The following DIAPH1 variants were observed in gnomAD, a reference collection of about 807,000 sequenced individuals.
DIAPH1 encodes the protein protein diaphanous homolog 1.
Under a neutral mutation model 140.7 loss-of-function variants are expected in DIAPH1, and 46 were observed. The ratio of observed to expected loss-of-function variants is 0.33; its 90% confidence interval spans 0.26 to 0.42. DIAPH1 has a LOEUF of 0.42. DIAPH1 is among the 10% of genes least tolerant of loss of function. DIAPH1 has a pLI of 1.00. For synonymous variants in DIAPH1, 565 were observed against 551.6 expected (o/e 1.02, Z -0.34); for missense variants, 1,310 against 1,558.7 (o/e 0.84, Z 2.69).
intron 18 of DIAPH1, among the ~76,000 whole-genome samples, chr5:141,540,439 G>A (rs1023774271): frequency 5.9e-5 from 9 of 151,874 alleles, no homozygotes; most frequent in African/African-American, 2.2e-4. Context: ...CCTGCCACAC[G>A]CCCAGCTAAT....
In DIAPH1 at chr5:141,531,160, C is replaced by T. The variant is rs556542005; in HGVS notation, c.2582-1463G>A. ...GACACCAACCTGCTACCTCTCACAT[C>T]CACCTCCCCGAAAAGACAATCTGTT... On this transcript the variant is annotated intron_variant, in intron 19 of 27. Transcript: ENST00000389054. Among the ~76,000 whole-genome samples, 3 of 152,328 alleles carry T rather than the reference C, an allele frequency of 2.0e-5. No homozygotes were observed. In the East Asian group the frequency reaches 5.8e-4, roughly 29 times the overall value.
chr5:141,611,736 A>C (rs2099901874), intron 1 of DIAPH1, among the ~76,000 whole-genome samples: 1 of 152,236 alleles, frequency 6.6e-6, no homozygotes, highest in South Asian at 2.1e-4. Context: ...AGTAAGGACA[A>C]GAAAAGATGT....
At chr5:141,593,946 C>T (rs1351850567) in intron 1 of DIAPH1, among the ~76,000 whole-genome samples, 3 of 152,314 alleles carry the variant, frequency 2.0e-5, no homozygotes, top group East Asian at 3.9e-4. Context: ...ATTACAGGCG[C>T]ATGCCACCAC....
chr5:141,559,756 A>C (rs1463806979), intron 18 of DIAPH1, among the ~76,000 whole-genome samples: 2 of 152,196 alleles, frequency 1.3e-5, no homozygotes, highest in East Asian at 3.8e-4. Flanking sequence ...ATCCCAAACA[A>C]GGACTCAGGT....
intron 18 of DIAPH1, among the ~76,000 whole-genome samples, chr5:141,551,254 A>G (rs956406499): frequency 2.6e-5 from 4 of 152,222 alleles, no homozygotes; most frequent in Non-Finnish European, 5.9e-5. Context: ...GTTCAAGAAG[A>G]GCCTGGGCAA....
intron 3 of DIAPH1, 53 bp from the exon 4 acceptor site, chr5:141,584,278 A>G: frequency 9.7e-7 from 1 of 1,030,870 alleles, no homozygotes. Flanking sequence ...ATTCTTTACA[A>G]ATTTTTAGTG....
chr5:141,556,552 A>G (rs1596363022), intron 18 of DIAPH1, among the ~76,000 whole-genome samples: 1 of 152,188 alleles, frequency 6.6e-6, no homozygotes, highest in African/African-American at 2.4e-5. Flanking sequence ...CTCCCTCTGA[A>G]GGTGGCAGGG....
At chr5:141,526,559 G>C (rs2099887352) in intron 24 of DIAPH1, 98 bp from the exon 25 acceptor site, 2 of 1,450,332 alleles carry the variant, frequency 1.4e-6, no homozygotes, top group South Asian at 2.3e-5. Context: ...GCATGCAAAG[G>C]GATGTTCAAT....
chr5:141,587,868 C>G (rs998167021), intron 2 of DIAPH1, among the ~76,000 whole-genome samples: 1 of 152,200 alleles, frequency 6.6e-6, no homozygotes, highest in African/African-American at 2.4e-5. Flanking sequence ...ATCTCAAATA[C>G]TGATGCTCAA....
chr5:141,582,059 CAAAAAAA>C (rs70991705), intron 7 of DIAPH1: 798 of 79,516 alleles, frequency 0.01, 1 homozygote, highest in African/African-American at 0.028. Context: ...GACTCCATCT[CAAAAAAA>C]AAAAAAAAAA....
chr5:141,605,990 A>G (rs1213309998), intron 1 of DIAPH1, among the ~76,000 whole-genome samples: 1 of 152,176 alleles, frequency 6.6e-6, no homozygotes, highest in East Asian at 1.9e-4. Context: ...ATCACTAGAG[A>G]CCTCTAAGCC....
At chr5:141,594,691 C>T (rs909937388) in intron 1 of DIAPH1, among the ~76,000 whole-genome samples, 1 of 150,774 alleles carries the variant, frequency 6.6e-6, no homozygotes, top group Non-Finnish European at 1.5e-5. Flanking sequence ...TGCAGTGAGC[C>T]AAGATCGAGC....
chr5:141,518,709 G>A (rs2099886076), intron 27 of DIAPH1: 1 of 557,296 alleles, frequency 1.8e-6, no homozygotes, highest in Non-Finnish European at 3.2e-6. Flanking sequence ...TTTTTGCAGA[G>A]ATGGGGTCTC....
At chr5:141,606,551 C>T (rs1263132392) in intron 1 of DIAPH1, among the ~76,000 whole-genome samples, 1 of 152,054 alleles carries the variant, frequency 6.6e-6, no homozygotes, top group African/African-American at 2.4e-5. Flanking sequence ...GGCACCACCA[C>T]GCCTGGATAA....
At chr5:141,578,753 C>G in intron 9 of DIAPH1, 128 bp from the exon 10 acceptor site, 1 of 759,436 alleles carries the variant, frequency 1.3e-6, no homozygotes, top group Middle Eastern at 3.6e-4. Flanking sequence ...CTAAAGATGA[C>G]TTTTCTACTA....
At position 141,573,928 on chromosome 5, in the gene DIAPH1, G is replaced by A; in HGVS notation, c.1922C>T (p.Pro641Leu). The change falls in exon 16 of 28, where the codon CCA becomes CTA. Residue 641 changes from proline (P) to leucine (L), a missense_variant. Physicochemically the swap from Pro to Leu is moderately conservative, Grantham distance 98. This residue lies in a region of DIAPH1 where 589 missense variants were observed against 549.3 expected (regional missense o/e 1.07). Transcript: ENST00000389054. ...AGCATCCCCAGACAAAGGAGGGGGT[G>A]GAGAGATAGCAGTACCTCCAGGTAA... ...PSLPGGTAIS[P>L]PPPLSGDATI... is the part of the protein sequence containing the mutation. 1 of 1,552,578 alleles carries A rather than the reference G, an allele frequency of 6.4e-7. No individual in the cohort carries two copies. Among genetic ancestry groups the A allele is most frequent in the Non-Finnish European group, 8.7e-7 (1 of 1,148,024 alleles).
chr5:141,518,309 T>C (rs539506972), intron 27 of DIAPH1, among the ~76,000 whole-genome samples: 96 of 50,868 alleles, frequency 1.9e-3, no homozygotes, highest in African/African-American at 6.7e-3. Context: ...GATAGCTCAA[T>C]TGGAAAAAAA....
At chr5:141,588,142 A>G in intron 2 of DIAPH1, 82 bp downstream of exon 2, 1 of 1,162,314 alleles carries the variant, frequency 8.6e-7, no homozygotes, top group Non-Finnish European at 1.3e-6. Context: ...AAGTTACAGA[A>G]AGTCAAAGTT....
chr5:141,585,132 T>A (rs908105652), intron 3 of DIAPH1, among the ~76,000 whole-genome samples: 2 of 152,160 alleles, frequency 1.3e-5, no homozygotes, highest in African/African-American at 4.8e-5. Context: ...AATTTTTGTA[T>A]TTTTAGTAGA....
Sources: allele counts gnomAD v4.1 joint callset (sites outside exome capture counted in the v4.1 genomes callset), GRCh38; gene constraint gnomAD v4.1.1; regional missense constraint gnomAD v4.1.1; transcripts MANE v1.5; gene names NCBI Gene and HGNC (gene_info 2026-07-23, HGNC 2026-07-21).